Variants in CCNE2 observed in about 807,000 individuals in gnomAD.
CCNE2 encodes G1/S-specific cyclin-E2.
A neutral mutation model predicts 56.8 loss-of-function variants in CCNE2; 18 were observed. The ratio of observed to expected loss-of-function variants is 0.32; its 90% CI spans 0.22 to 0.47. CCNE2 has a LOEUF of 0.47. Among genes scored for constraint, CCNE2 ranks in the 20% least tolerant of loss-of-function variants. The pLI is 1.00. For missense variants in CCNE2, 371 were observed against 467.1 expected, an observed-to-expected ratio of 0.79 and a Z score of 1.90; for synonymous variants, 139 against 149.2, an observed-to-expected ratio of 0.93 and a Z score of 0.50.
chr8:94,887,883 AG>A, intron 7 of CCNE2, 43 bp downstream of exon 7: 1 of 1,375,318 alleles, frequency 7.3e-7, no homozygotes, highest in Non-Finnish European at 9.8e-7. Flanking sequence ...TTTAAAAAAA[AG>A]TTTGGGATAA....
chr8:94,892,490 T>C (rs1454220550), intron 5 of CCNE2, among the ~76,000 whole-genome samples: 1 of 152,240 alleles, frequency 6.6e-6, no homozygotes, highest in Non-Finnish European at 1.5e-5. Context: ...TCCTTTGAGT[T>C]GAAGCTGCAA....
intron 9 of CCNE2, chr8:94,883,818 AAG>A (rs574100362): frequency 3.6e-4 from 162 of 453,274 alleles, no homozygotes; most frequent in African/African-American, 2.7e-3. Flanking sequence ...TATAGTGTAA[AAG>A]GGGTAGATTT....
Position 94,881,191 on chromosome 8 carries a change from T to G in CCNE2, c.*441A>C, listed in dbSNP as rs1164130243. ...TTAATTTTCAAGAACCAAATTGCAC[T>G]AGTCAAGAGTGTAGGAATTTTGAGA... On this transcript the variant is annotated 3_prime_UTR_variant, in exon 12 of 12. Transcript: ENST00000308108. 2.6e-6 allele frequency: 1 copy of G among 378,714 alleles called. No individual in the cohort carries two copies. The highest frequency in any genetic ancestry group is 2.1e-5 in the African/African-American group (1 of 48,340). The allele number at this position is 378,714 out of a possible 1,614,324, so 23.5% of individuals were successfully genotyped here.
chr8:94,884,606 C>CTACT (rs375477800), intron 9 of CCNE2: 2 of 154,938 alleles, frequency 1.3e-5, no homozygotes, highest in African/African-American at 4.8e-5. Context: ...TCCTCCTCCT[C>CTACT]TACTTACTTA....
chr8:94,895,590 G>C (rs1817473748), upstream of CCNE2, among the ~76,000 whole-genome samples: 1 of 152,190 alleles, frequency 6.6e-6, no homozygotes, highest in Non-Finnish European at 1.5e-5. Context: ...AGGGGGACAC[G>C]ACTCGGGCGA....
chr8:94,887,139 T>C (rs1817067657), intron 7 of CCNE2, among the ~76,000 whole-genome samples: 1 of 152,086 alleles, frequency 6.6e-6, no homozygotes, highest in South Asian at 2.1e-4. Flanking sequence ...TTAAGAAAAG[T>C]AAATTGAGCT....
chr8:94,888,887 A>G (rs1343731090), intron 6 of CCNE2, among the ~76,000 whole-genome samples: 1 of 152,178 alleles, frequency 6.6e-6, no homozygotes, highest in Non-Finnish European at 1.5e-5. Flanking sequence ...GGTGGCTCAC[A>G]TCTGTAATCC....
chr8:94,892,888 C>A lies in CCNE2; in HGVS notation c.247G>T (p.Asp83Tyr). 1 of 1,524,508 alleles carries A rather than the reference C, an allele frequency of 6.6e-7. No individual in the cohort carries two copies. The highest frequency in any genetic ancestry group is 8.8e-7 in the Non-Finnish European group (1 of 1,132,052). The allele number at this position is 1,524,508 out of a possible 1,614,324, so 94.4% of individuals were successfully genotyped here. A position where few individuals can be genotyped will look rare whatever the true frequency, so the allele number is the denominator to read the frequency against. The change falls in exon 5 of 12, where the codon GAT (aspartate) becomes TAT (tyrosine). Residue 83 changes from aspartate (D) to tyrosine (Y), a missense_variant. Transcript: ENST00000308108. The stretch of plus-strand genomic sequence containing the variant: ...CTGTAATTTGTAAATCTGGAGAAAT[C>A]ACTTGTTCCTATTTCTTTGTGAGGT... ...ETPHKEIGTS[D>Y]FSRFTNYRFK... is the part of the protein sequence containing the mutation.
In CCNE2 at chr8:94,894,036, C is replaced by T; in HGVS notation, c.98G>A (p.Arg33Lys). ...QEAQIIQAKK[R>K]KTTQDVKKRR... ...TCCTTAAATCACCTGGGTAGTTTTCCTCTTCTTGGCCTGGATTATCTGGGC... is the reference window on the plus strand; with the variant it reads ...TCCTTAAATCACCTGGGTAGTTTTCTTCTTCTTGGCCTGGATTATCTGGGC... Residue 33 changes from arginine to lysine, a missense_variant, in exon 3 of 12, where the codon AGG becomes AAG. Arg to Lys is a conservative substitution (Grantham distance 26). Transcript: ENST00000308108. 1 of 1,613,776 alleles carries T rather than the reference C, an allele frequency of 6.2e-7. No individual in the cohort carries two copies. The highest frequency in any genetic ancestry group is 1.1e-5 in the South Asian group (1 of 91,072).
At chr8:94,885,583 A>C in intron 7 of CCNE2, 25 bp from the exon 8 acceptor site, 1 of 1,341,922 alleles carries the variant, frequency 7.5e-7, no homozygotes, top group Non-Finnish European at 1.1e-6. Context: ...ATTTTTATTG[A>C]GTACAATTGA....
chr8:94,891,679 A>C (rs1331388738), intron 5 of CCNE2: 5 of 547,232 alleles, frequency 9.1e-6, no homozygotes, highest in South Asian at 3.9e-5. Context: ...AAAAAAAAAA[A>C]ACACCATGAA....
At chr8:94,884,935 G>A (rs144872926) in intron 9 of CCNE2, 132 bp downstream of exon 9, 16 of 736,504 alleles carry the variant, frequency 2.2e-5, no homozygotes, top group Admixed American at 3.0e-5. Flanking sequence ...AACTTTATGC[G>A]TCAAAAGTTT....
intron 1 of CCNE2, 172 bp from the exon 2 acceptor site, chr8:94,894,419 G>C (rs1817380879): frequency 1.6e-6 from 1 of 627,396 alleles, no homozygotes; most frequent in Admixed American, 3.0e-5. Flanking sequence ...ATTCATTTTG[G>C]ATACAAGCCT....
rs1817331634 is a variant in CCNE2 at position 94,893,752 on chromosome 8, G to T, written c.165+139C>A. On this transcript the variant is annotated intron_variant, in intron 4 of 11. Coordinates refer to ENST00000308108, the MANE Select transcript of CCNE2 (RefSeq NM_057749.3). ...ACATAGAAACCACCCAAAGATAGGC[G>T]CCTTCCTGCTGACCTCTAGGGGCAT... 3 of 821,184 alleles carry T rather than the reference G, an allele frequency of 3.7e-6. No homozygotes were observed. The African/African-American group carries it at 5.2e-5, about 14-fold the overall frequency. 50.9% of individuals were successfully genotyped at this position (821,184 alleles called of 1,614,324 possible). A position where few individuals can be genotyped will look rare whatever the true frequency, so the allele number is the denominator to read the frequency against.
At chr8:94,881,803 T>C in intron 11 of CCNE2, 58 bp from the exon 12 acceptor site, 1 of 1,602,264 alleles carries the variant, frequency 6.2e-7, no homozygotes, top group Non-Finnish European at 8.5e-7. Context: ...ACCAGACTTC[T>C]GGGTACTTAT....
chr8:94,884,753 A>G, intron 9 of CCNE2: 1 of 208,628 alleles, frequency 4.8e-6, no homozygotes, highest in Non-Finnish European at 9.7e-6. Context: ...ATCATACAGA[A>G]TAATTCTATG....
intron 5 of CCNE2, among the ~76,000 whole-genome samples, chr8:94,890,786 G>A (rs552431662): frequency 6.6e-6 from 1 of 151,830 alleles, no homozygotes; most frequent in East Asian, 1.9e-4. Flanking sequence ...TAGAGATGGG[G>A]TTTCACCATG....
intron 1 of CCNE2, 23 bp downstream of exon 1, chr8:94,895,154 C>T (rs1023906023): frequency 2.9e-5 from 29 of 985,264 alleles, no homozygotes; most frequent in Middle Eastern, 5.2e-4. Context: ...CCCACATCCC[C>T]CCTACGCGCA....
At chr8:94,884,742 C>T (rs1474153809) in intron 9 of CCNE2, 1 of 182,604 alleles carries the variant, frequency 5.5e-6, no homozygotes, top group East Asian at 1.3e-4. Context: ...AATGTAAAGA[C>T]ATCATACAGA....
Sources: gnomAD v4.1 joint callset for allele counts (sites outside exome capture counted in the v4.1 genomes callset) on GRCh38, gnomAD v4.1.1 for gene constraint, MANE v1.5 for transcripts, NCBI Gene and HGNC (gene_info 2026-07-23, HGNC 2026-07-21) for gene names.